The following HAPLN3 variants were observed in gnomAD, a reference collection of about 807,000 sequenced individuals.
The protein encoded by HAPLN3 is extracellular link domain containing, 1.
A neutral mutation model predicts 28.1 loss-of-function variants in HAPLN3; 28 were observed. That is an observed-to-expected ratio of 1.00 (90% CI 0.74 to 1.37). The LOEUF (loss-of-function observed/expected upper bound fraction) is 1.37, where lower values mean the gene tolerates loss of function less well. Ranked by LOEUF, HAPLN3 falls within the 40% of genes most tolerant of loss-of-function variation. The pLI is 0.00. For missense variants in HAPLN3, 513 were observed against 504.6 expected (o/e 1.02, Z -0.16); for synonymous variants, 211 against 213.1 (o/e 0.99, Z 0.09).
chr15:88,880,481 C>G lies in HAPLN3; in HGVS notation c.493+876G>C. On this transcript the variant is annotated intron_variant, in intron 3 of 4. Transcript: ENST00000359595. The surrounding 1 kb of genome is among the most constrained non-coding windows in gnomAD (Gnocchi z 6.0). ...TTTTACACCTGAGAGGCCCAGGGCT[C>G]TAAGGGGGATGAGGCATTTACCCAC... The G allele has an allele frequency of 1.6e-6, 2 of 1,261,182 alleles. No homozygotes were observed. The highest frequency in any genetic ancestry group is 1.3e-5 in the South Asian group (1 of 78,144). The allele number at this position is 1,261,182 out of a possible 1,614,324, so 78.1% of individuals were successfully genotyped here.
chr15:88,880,561 G>A lies in HAPLN3; in HGVS notation c.493+796C>T, dbSNP rs762867733. The A allele has an allele frequency of 2.3e-4, 293 of 1,288,368 alleles. 2 individuals carry two copies. Among genetic ancestry groups the A allele is most frequent in the South Asian group, 3.5e-4 (28 of 80,982 alleles). The allele number at this position is 1,288,368 out of a possible 1,614,324, so 79.8% of individuals were successfully genotyped here. On this transcript the variant is annotated intron_variant, in intron 3 of 4. Coordinates refer to ENST00000359595, the MANE Select transcript of HAPLN3 (RefSeq NM_178232.4). This position sits in a 1 kb window ranked among gnomAD's most constrained non-coding sequence, Gnocchi z 6.0. ...AGTCAGGTCACCTTCCTCTATCCCC[G>A]AACTGCCTCCCTAACATGTGGGAGA...
intron 1 of HAPLN3, chr15:88,892,919 C>A: frequency 2.6e-6 from 4 of 1,525,246 alleles, no homozygotes; most frequent in Non-Finnish European, 2.6e-6. Flanking sequence ...CTCCTCAGGA[C>A]CACCACAGAG....
Position 88,887,238 on chromosome 15 carries a change from A to G in HAPLN3, c.61T>C (p.Tyr21His). The change falls in exon 2 of 5, where the codon TAC becomes CAC. Residue 21 changes from tyrosine (Y) to histidine (H), a missense_variant. Transcript: ENST00000359595. ...CTGTTGGAGTAGTAGAAGCCGTTGTAGAAGGGCAGTCCGTAGGAGCCGGGC... is the reference window on the plus strand; with the variant it reads ...CTGTTGGAGTAGTAGAAGCCGTTGTGGAAGGGCAGTCCGTAGGAGCCGGGC... ...LLPGSYGLPF[Y>H]NGFYYSNSAN... 1 of 1,614,180 alleles carries G rather than the reference A, an allele frequency of 6.2e-7. No individual in the cohort carries two copies. Among genetic ancestry groups the G allele is most frequent in the Non-Finnish European group, 8.5e-7 (1 of 1,180,034 alleles).
chr15:88,881,753 G>C lies in HAPLN3; in HGVS notation c.125-28C>G, dbSNP rs757170721. The C allele has an allele frequency of 1.3e-6, 2 of 1,584,666 alleles. No homozygotes were observed. Among genetic ancestry groups the C allele is most frequent in the East Asian group, 2.2e-5 (1 of 44,510 alleles). Reference sequence around the variant, plus strand: ...TGGGGGAGAGACAGGGTGCAGATGAGACCTGCTGAAGCACATCTGTACCCC... The same window carrying C: ...TGGGGGAGAGACAGGGTGCAGATGACACCTGCTGAAGCACATCTGTACCCC... On this transcript the variant is annotated intron_variant, in intron 2 of 4. Transcript: ENST00000359595. This position sits in a 1 kb window ranked among gnomAD's most constrained non-coding sequence, Gnocchi z 6.0.
At chr15:88,886,981 C>T (rs1180558475) in intron 2 of HAPLN3, among the ~76,000 whole-genome samples, 194 bp downstream of exon 2, 2 of 152,144 alleles carry the variant, frequency 1.3e-5, no homozygotes, top group Non-Finnish European at 2.9e-5. Flanking sequence ...GGCCCCATGA[C>T]GAAGGGGCTG....
At chr15:88,889,985 G>A (rs1236918930) in intron 1 of HAPLN3, among the ~76,000 whole-genome samples, 1 of 121,670 alleles carries the variant, frequency 8.2e-6, no homozygotes, top group Non-Finnish European at 1.6e-5. Context: ...AGGAAGGAAA[G>A]AAGGAAGGGA....
At chr15:88,893,195 T>A (rs982135861) in intron 1 of HAPLN3, 1 of 675,514 alleles carries the variant, frequency 1.5e-6, no homozygotes, top group Non-Finnish European at 2.7e-6. Context: ...AGGGGGTGGA[T>A]CACCTGAGGT....
rs1897590072 is a variant in HAPLN3, at chr15:88,878,261, G to A, written c.797-5C>T. 2.5e-6 allele frequency: 4 copies of A among 1,607,890 alleles called. No individual in the cohort carries two copies. Among genetic ancestry groups the A allele is most frequent in the Non-Finnish European group, 3.4e-6 (4 of 1,176,438 alleles). ...GCTCCAGGTAGTACACCCGCCCTGGGGGAAAGGGGGCGTGAGTGCCGTACA... is the reference window on the plus strand; with the variant it reads ...GCTCCAGGTAGTACACCCGCCCTGGAGGAAAGGGGGCGTGAGTGCCGTACA... On this transcript the variant is annotated splice_region_variant and splice_polypyrimidine_tract_variant and intron_variant, in intron 4 of 4. Coordinates refer to ENST00000359595, the MANE Select transcript of HAPLN3 (RefSeq NM_178232.4).
Position 88,881,482 on chromosome 15 carries a change from T to A in HAPLN3, c.368A>T (p.Gln123Leu), listed in dbSNP as rs1265574836. 6.2e-7 allele frequency: 1 copy of A among 1,614,068 alleles called. No individual in the cohort carries two copies. The highest frequency in any genetic ancestry group is 8.5e-7 in the Non-Finnish European group (1 of 1,180,030). The stretch of plus-strand genomic sequence containing the variant: ...CAGCGAGACGTCATGCTCTTTGTCC[T>A]GCCGCAGGTGCACGCGGCCTTGGTA... ...GDYQGRVHLR[Q>L]DKEHDVSLEI... The change falls in exon 3 of 5, where the codon CAG becomes CTG. Residue 123 changes from glutamine (Q) to leucine (L), a missense_variant. Coordinates refer to ENST00000359595, the MANE Select transcript of HAPLN3 (RefSeq NM_178232.4). This position sits in a 1 kb window ranked among gnomAD's most constrained non-coding sequence, Gnocchi z 6.0.
rs758633951 is a variant in HAPLN3, at chr15:88,878,247, T to C, written c.806A>G (p.Tyr269Cys). The C allele has an allele frequency of 1.2e-6, 2 of 1,611,894 alleles. No individual in the cohort carries two copies. The highest frequency in any genetic ancestry group is 2.7e-5 in the African/African-American group (2 of 74,864). ...CAGCTTCTCAGGGTGCTCCAGGTAG[T>C]ACACCCGCCCTGGGGGAAAGGGGGC... ...CFATALKGRV[Y>C]YLEHPEKLTL... is the part of the protein sequence containing the mutation. Residue 269 changes from tyrosine (Y) to cysteine (C), a missense_variant, in exon 5 of 5, where the codon TAC becomes TGC. Physicochemically the swap from Tyr to Cys is radical, Grantham distance 194 (BLOSUM62 -2). Coordinates refer to ENST00000359595, the MANE Select transcript of HAPLN3 (RefSeq NM_178232.4).
chr15:88,890,506 T>C (rs998875977), intron 1 of HAPLN3, among the ~76,000 whole-genome samples: 1 of 152,206 alleles, frequency 6.6e-6, no homozygotes, highest in African/African-American at 2.4e-5. Flanking sequence ...AAACTCACCC[T>C]GGTATATTTC....
intron 2 of HAPLN3, among the ~76,000 whole-genome samples, chr15:88,884,351 T>C (rs1596169668): frequency 6.6e-6 from 1 of 152,066 alleles, no homozygotes. Flanking sequence ...GATCAGGCGG[T>C]CAGGAGATCG....
At chr15:88,885,567 C>G (rs1253815039) in intron 2 of HAPLN3, among the ~76,000 whole-genome samples, 1 of 151,624 alleles carries the variant, frequency 6.6e-6, no homozygotes, top group Non-Finnish European at 1.5e-5. Flanking sequence ...AAGCAATTCT[C>G]CTGCCTCAGC....
In HAPLN3 at chr15:88,880,522, C is replaced by A; in HGVS notation, c.493+835G>T. ...ATTTACCCACATGTCATAGCTGGGA[C>A]GGGCTGGGGCTAAAGTCAGGTCACC... On this transcript the variant is annotated intron_variant, in intron 3 of 4. Transcript: ENST00000359595. The surrounding 1 kb of genome is among the most constrained non-coding windows in gnomAD (Gnocchi z 6.0). 2 of 1,279,740 alleles carry A rather than the reference C, an allele frequency of 1.6e-6. No individual in the cohort carries two copies. The highest frequency in any genetic ancestry group is 2.0e-6 in the Non-Finnish European group (2 of 980,628). 79.3% of individuals were successfully genotyped at this position (1,279,740 alleles called of 1,614,324 possible).
chr15:88,880,864 G>A lies in HAPLN3; in HGVS notation c.493+493C>T, dbSNP rs190553635. 3.3e-5 allele frequency among the ~76,000 whole-genome samples: 5 copies of A among 152,126 alleles called. No homozygotes were observed. The highest frequency in any genetic ancestry group is 6.5e-5 in the Admixed American group (1 of 15,278). On this transcript the variant is annotated intron_variant, in intron 3 of 4. Coordinates refer to ENST00000359595, the MANE Select transcript of HAPLN3 (RefSeq NM_178232.4). The surrounding 1 kb of genome is among the most constrained non-coding windows in gnomAD (Gnocchi z 6.0). ...TTGGCAGTGGGGTCTGCATTCTGGCGTGGCATCATCAGCTGGGCCTGAGTA... is the reference window on the plus strand; with the variant it reads ...TTGGCAGTGGGGTCTGCATTCTGGCATGGCATCATCAGCTGGGCCTGAGTA...
chr15:88,882,994 G>C (rs913613158), intron 2 of HAPLN3, among the ~76,000 whole-genome samples: 1 of 152,152 alleles, frequency 6.6e-6, no homozygotes, highest in Admixed American at 6.5e-5. Context: ...GAGAGAGCAA[G>C]ACTCTGTTGC....
In HAPLN3 at chr15:88,878,063, A is replaced by G. The variant is rs1897580362; in HGVS notation, c.990T>C (p.Pro330=). Residue 330 remains proline (P), a synonymous_variant, in exon 5 of 5, where the codon CCT becomes CCC. Transcript: ENST00000359595. ...SVRYPVVHPH[P]NCGPPEPGVR... is the part of the protein sequence containing the mutation. ...CCCCAGGCTCTGGGGGCCCACAGTT[A>G]GGATGCGGGTGAACCACAGGGTAGC... The G allele has an allele frequency of 6.2e-7, 1 of 1,613,914 alleles. No individual in the cohort carries two copies. The highest frequency in any genetic ancestry group is 1.3e-5 in the African/African-American group (1 of 74,916).
intron 1 of HAPLN3, among the ~76,000 whole-genome samples, chr15:88,893,928 C>CA (rs10706089): frequency 3.9e-4 from 41 of 106,182 alleles, no homozygotes; most frequent in Non-Finnish European, 5.5e-4. Flanking sequence ...GACTCCATCT[C>CA]AAAAAAAAAA....
chr15:88,881,651 T>A lies in HAPLN3; in HGVS notation c.199A>T (p.Ile67Phe). ...TCGTAGCGGTAGCGGCAGGGCAGGATCACACTGGCCCCTTGGTAGGTGAAC... is the reference window on the plus strand; with the variant it reads ...TCGTAGCGGTAGCGGCAGGGCAGGAACACACTGGCCCCTTGGTAGGTGAAC... ...TLFTYQGASV[I>F]LPCRYRYEPA... The change falls in exon 3 of 5, where the codon ATC becomes TTC. Residue 67 changes from isoleucine (I) to phenylalanine (F), a missense_variant. Ile to Phe is a conservative substitution (Grantham distance 21). Coordinates refer to ENST00000359595, the MANE Select transcript of HAPLN3 (RefSeq NM_178232.4). This position sits in a 1 kb window ranked among gnomAD's most constrained non-coding sequence, Gnocchi z 6.0. 2 of 1,613,566 alleles carry A rather than the reference T, an allele frequency of 1.2e-6. No individual in the cohort carries two copies. The highest frequency in any genetic ancestry group is 1.3e-5 in the African/African-American group (1 of 74,972).
Sources: allele counts gnomAD v4.1 joint callset (sites outside exome capture counted in the v4.1 genomes callset), GRCh38; gene constraint gnomAD v4.1.1; non-coding constraint Gnocchi (gnomAD v3.1); transcripts MANE v1.5; gene names NCBI Gene and HGNC (gene_info 2026-07-23, HGNC 2026-07-21).